MKRN2: variants seen among roughly 807,000 people sequenced by gnomAD.
MKRN2 encodes the protein makorin ring finger protein 2.
Under a neutral mutation model 45.4 loss-of-function variants are expected in MKRN2, and 32 were observed. The observed-to-expected ratio is 0.70, with a 90% CI of 0.53 to 0.95. MKRN2 has a LOEUF of 0.95. MKRN2 is among the 40% of genes least tolerant of loss of function. MKRN2 has a pLI of 0.00. For missense variants in MKRN2, 526 were observed against 536.7 expected (o/e 0.98, Z 0.20); for synonymous variants, 206 against 192.4 (o/e 1.07, Z -0.59).
At chr3:12,580,475 CG>C (rs940528555) in intron 6 of MKRN2, among the ~76,000 whole-genome samples, 2 of 119,712 alleles carry the variant, frequency 1.7e-5, no homozygotes, top group African/African-American at 6.4e-5. Flanking sequence ...CCCAGTGAGA[CG>C]AAGTCTCACT....
chr3:12,561,889 C>CG (rs1176622221), intron 1 of MKRN2, among the ~76,000 whole-genome samples: 15 of 152,056 alleles, frequency 9.9e-5, no homozygotes, highest in African/African-American at 3.6e-4. Flanking sequence ...GATGTATACT[C>CG]TACTTTTGTG....
At position 12,571,333 on chromosome 3, in the gene MKRN2, A is replaced by G. The variant is rs147366559; in HGVS notation, c.338-736A>G. The stretch of plus-strand genomic sequence containing the variant: ...ACTATGTTGGCCAGGCTGGTCTCAA[A>G]CTCTTGGTCTCATGATCCGCCCGCC... On this transcript the variant is annotated intron_variant, in intron 3 of 7. Coordinates refer to ENST00000170447, the MANE Select transcript of MKRN2 (RefSeq NM_014160.5). Among the ~76,000 whole-genome samples, 657 of 151,804 alleles carry G rather than the reference A, an allele frequency of 4.3e-3. 4 individuals are homozygous for G. Among genetic ancestry groups the G allele is most frequent in the African/African-American group, 0.015 (627 of 41,370 alleles).
rs10598451 is a variant in MKRN2 at position 12,565,524 on chromosome 3, C to CTTTTTT, written c.27-3329_27-3324dup. Among the ~76,000 whole-genome samples the CTTTTTT allele has an allele frequency of 5.4e-5, 5 of 91,996 alleles. 1 individual carries two copies. The highest frequency in any genetic ancestry group is 5.9e-4 in the East Asian group (2 of 3,416). The allele number at this position is 91,996 out of a possible 152,430, so 60.4% of individuals were successfully genotyped here. A position where few individuals can be genotyped will look rare whatever the true frequency, so the allele number is the denominator to read the frequency against. On this transcript the variant is annotated intron_variant, in intron 1 of 7. Transcript: ENST00000170447. Reference sequence around the variant, plus strand: ...TGAAAAGATTCTTTCCCCAACTTACCTTTTTTTTTTTTTTTTTTTTTTTTT... The same window carrying CTTTTTT: ...TGAAAAGATTCTTTCCCCAACTTACCTTTTTTTTTTTTTTTTTTTTTTTTTTTTTTT...
intron 5 of MKRN2, among the ~76,000 whole-genome samples, chr3:12,576,153 T>C (rs1575522087): frequency 1.3e-5 from 2 of 151,872 alleles, no homozygotes; most frequent in South Asian, 4.2e-4. Flanking sequence ...TGTATGAGGG[T>C]TATTTCATCT....
intron 5 of MKRN2, among the ~76,000 whole-genome samples, chr3:12,576,038 G>A (rs755608384): frequency 1.1e-4 from 16 of 152,186 alleles, no homozygotes; most frequent in Admixed American, 5.9e-4. Flanking sequence ...ACACCTGGGC[G>A]TGGGATTGCT....
chr3:12,559,444 G>GA (rs1559385732), intron 1 of MKRN2, among the ~76,000 whole-genome samples: 1 of 151,560 alleles, frequency 6.6e-6, no homozygotes. Flanking sequence ...TTGTTTTTTT[G>GA]TTTTTTTTAA....
chr3:12,566,624 T>C (rs1202415100), intron 1 of MKRN2, among the ~76,000 whole-genome samples: 1 of 152,150 alleles, frequency 6.6e-6, no homozygotes, highest in Non-Finnish European at 1.5e-5. Context: ...TGTTTTGAGG[T>C]GGAGTTTCGC....
At position 12,564,003 on chromosome 3, in the gene MKRN2, T is replaced by C. The variant is rs144436042; in HGVS notation, c.27-4872T>C. On this transcript the variant is annotated intron_variant, in intron 1 of 7. Transcript: ENST00000170447. ...CTCTGTTGCCCAGGCTGGAGTGCAGTGGCGTGATCTTGGCTCACTGCAACC... is the reference window on the plus strand; with the variant it reads ...CTCTGTTGCCCAGGCTGGAGTGCAGCGGCGTGATCTTGGCTCACTGCAACC... 3.5e-3 allele frequency among the ~76,000 whole-genome samples: 527 copies of C among 151,894 alleles called. 13 individuals carry two copies. The East Asian group carries it at 0.063, about 18-fold the overall frequency.
chr3:12,557,219 C>T, intron 1 of MKRN2, 43 bp downstream of exon 1: 1 of 1,526,538 alleles, frequency 6.6e-7, no homozygotes, highest in Non-Finnish European at 8.8e-7. Context: ...CTCCCCCAGG[C>T]CGCAGGGGGG....
intron 1 of MKRN2, among the ~76,000 whole-genome samples, chr3:12,566,477 G>C (rs1575517963): frequency 6.6e-6 from 1 of 151,578 alleles, no homozygotes; most frequent in East Asian, 1.9e-4. Context: ...TCTCTCAGAT[G>C]GTTTCTATTC....
chr3:12,570,099 G>A lies in MKRN2; in HGVS notation c.184G>A (p.Ala62Thr). 6.2e-7 allele frequency: 1 copy of A among 1,613,154 alleles called. No homozygotes were observed. Among genetic ancestry groups the A allele is most frequent in the Non-Finnish European group, 8.5e-7 (1 of 1,179,784 alleles). ...TGACCACACGAGGCCCTCTGCTGCA[G>A]CTGGAGGTGCTGTGGGCACCATGGC... Reference protein sequence around the residue: ...RYDHTRPSAAAGGAVGTMAHS... With the variant: ...RYDHTRPSAATGGAVGTMAHS... The change falls in exon 3 of 8, where the codon GCT (alanine) becomes ACT (threonine). Residue 62 changes from alanine to threonine, a missense_variant. By Grantham distance (58) the Ala-to-Thr change is moderately conservative. Coordinates refer to ENST00000170447, the MANE Select transcript of MKRN2 (RefSeq NM_014160.5).
At chr3:12,558,353 G>A (rs2058002068) in intron 1 of MKRN2, among the ~76,000 whole-genome samples, 1 of 152,174 alleles carries the variant, frequency 6.6e-6, no homozygotes, top group South Asian at 2.1e-4. Context: ...GGGTTTGTGT[G>A]TGTTTACGTA....
Position 12,574,823 on chromosome 3 carries a change from A to G in MKRN2, c.674A>G (p.Glu225Gly). Residue 225 changes from glutamate to glycine, a missense_variant, in exon 5 of 8, where the codon GAA (glutamate) becomes GGA (glycine). Glu to Gly is a moderately conservative substitution (Grantham distance 98). Transcript: ENST00000170447. ...ICMLTFEHEM[E>G]KAFAFQASQD... ...ATGTTGACGTTCGAACACGAGATGGAAAAGGCCTTTGCCTTCCAGGCAAGC... is the reference window on the plus strand; with the variant it reads ...ATGTTGACGTTCGAACACGAGATGGGAAAGGCCTTTGCCTTCCAGGCAAGC... 1 of 1,613,944 alleles carries G rather than the reference A, an allele frequency of 6.2e-7. No homozygotes were observed. Among genetic ancestry groups the G allele is most frequent in the Non-Finnish European group, 8.5e-7 (1 of 1,179,962 alleles).
rs1240811069 is a variant in MKRN2 at position 12,568,880 on chromosome 3, T to A, written c.32T>A (p.Phe11Tyr). The change falls in exon 2 of 8, where the codon TTT (phenylalanine) becomes TAT (tyrosine). Residue 11 changes from phenylalanine (F) to tyrosine (Y), a missense_variant. Coordinates refer to ENST00000170447, the MANE Select transcript of MKRN2 (RefSeq NM_014160.5). MSTKQITCRY[F>Y]MHGVCREGSQ... Reference sequence around the variant, plus strand: ...GCCTGTGCTTGTCTCTGCAGGTATTTTATGCATGGTGTGTGTCGGGAAGGA... The same window carrying A: ...GCCTGTGCTTGTCTCTGCAGGTATTATATGCATGGTGTGTGTCGGGAAGGA... The A allele has an allele frequency of 6.2e-7, 1 of 1,612,444 alleles. No homozygotes were observed. The highest frequency in any genetic ancestry group is 8.5e-7 in the Non-Finnish European group (1 of 1,179,518).
Position 12,557,125 on chromosome 3 carries a change from G to A in MKRN2, c.-26G>A. On this transcript the variant is annotated 5_prime_UTR_variant, in exon 1 of 8. Coordinates refer to ENST00000170447, the MANE Select transcript of MKRN2 (RefSeq NM_014160.5). ...CAGCGGCTGCGAGAGGCGGCGGCAC[G>A]ACGACGGTCCCTCAGCCCAGCCACC... 6.7e-7 allele frequency: 1 copy of A among 1,490,760 alleles called. No homozygotes were observed. Among genetic ancestry groups the A allele is most frequent in the Non-Finnish European group, 8.9e-7 (1 of 1,122,088 alleles). 92.3% of individuals were successfully genotyped at this position (1,490,760 alleles called of 1,614,324 possible). A position where few individuals can be genotyped will look rare whatever the true frequency, so the allele number is the denominator to read the frequency against.
At position 12,583,668 on chromosome 3, in the gene MKRN2, G is replaced by T. The variant is rs2058212389; in HGVS notation, c.*1415G>T. On this transcript the variant is annotated 3_prime_UTR_variant, in exon 8 of 8. Coordinates refer to ENST00000170447, the MANE Select transcript of MKRN2 (RefSeq NM_014160.5). ...AGGGACCATCAGATAACTGTATTTT[G>T]TCAGGTGCAATAAAAACAAAATTAA... 4.3e-6 allele frequency: 1 copy of T among 233,122 alleles called. No homozygotes were observed. The highest frequency in any genetic ancestry group is 8.5e-6 in the Non-Finnish European group (1 of 117,974). 14.4% of individuals were successfully genotyped at this position (233,122 alleles called of 1,614,324 possible). A position where few individuals can be genotyped will look rare whatever the true frequency, so the allele number is the denominator to read the frequency against.
intron 4 of MKRN2, among the ~76,000 whole-genome samples, chr3:12,572,654 G>A (rs2058106865): frequency 6.6e-6 from 1 of 151,634 alleles, no homozygotes. Flanking sequence ...TGCAATCTCG[G>A]CTCACTGCAA....
Position 12,582,344 on chromosome 3 carries a change from T to C in MKRN2, c.*91T>C. 6.6e-7 allele frequency: 1 copy of C among 1,517,342 alleles called. No individual in the cohort carries two copies. The highest frequency in any genetic ancestry group is 9.0e-7 in the Non-Finnish European group (1 of 1,107,448). The allele number at this position is 1,517,342 out of a possible 1,614,324, so 94.0% of individuals were successfully genotyped here. ...GAGCTTCCCTGTACTGCAGCCAAGGTGACGTGTGACTTGGATTTGAGTGGA... is the reference window on the plus strand; with the variant it reads ...GAGCTTCCCTGTACTGCAGCCAAGGCGACGTGTGACTTGGATTTGAGTGGA... On this transcript the variant is annotated 3_prime_UTR_variant, in exon 8 of 8. Coordinates refer to ENST00000170447, the MANE Select transcript of MKRN2 (RefSeq NM_014160.5).
intron 1 of MKRN2, among the ~76,000 whole-genome samples, chr3:12,560,325 A>C (rs2058025790): frequency 6.6e-6 from 1 of 152,146 alleles, no homozygotes; most frequent in African/African-American, 2.4e-5. Flanking sequence ...CTTCACCACC[A>C]CACTGTACTT....
Sources: allele counts gnomAD v4.1 joint callset (sites outside exome capture counted in the v4.1 genomes callset), GRCh38; gene constraint gnomAD v4.1.1; transcripts MANE v1.5; gene names NCBI Gene and HGNC (gene_info 2026-07-23, HGNC 2026-07-21).